The following ANO4 variants were observed in gnomAD, a reference collection of about 807,000 sequenced individuals.
ANO4 encodes anoctamin-4.
ANO4 carries 69 observed loss-of-function variants against 141.9 expected under a neutral mutation model. The observed-to-expected ratio is 0.49, with a 90% confidence interval of 0.40 to 0.59. The LOEUF is 0.59. ANO4 is among the 20% of genes least tolerant of loss of function. The pLI, the probability that ANO4 is intolerant of heterozygous loss-of-function variation, is 0.00. For missense variants in ANO4, 894 were observed against 1,162.2 expected, an observed-to-expected ratio of 0.77 and a Z score of 3.36; for synonymous variants, 350 against 394.3, an observed-to-expected ratio of 0.89 and a Z score of 1.33.
chr12:100,745,136 G>C (rs1431580366), intron 3 of ANO4, among the ~76,000 whole-genome samples: 1 of 152,180 alleles, frequency 6.6e-6, no homozygotes, highest in Non-Finnish European at 1.5e-5. Flanking sequence ...TGACTCTCCA[G>C]CATGTCTCAC....
Position 100,719,928 on chromosome 12 carries a change from C to T in ANO4, c.22+2381C>T, listed in dbSNP as rs1430339111. Among the ~76,000 whole-genome samples the T allele has an allele frequency of 3.9e-5, 6 of 152,158 alleles. No homozygotes were observed. In the East Asian group the frequency reaches 1.2e-3, roughly 29 times the overall value. On this transcript the variant is annotated intron_variant, in intron 1 of 29. Transcript: ENST00000644049. ...GAAATGAGATTAGGGTAATCAGTAA[C>T]TGTAATCCCCACCGGTAAAAATATG...
chr12:101,111,420 C>A, intron 23 of ANO4, 143 bp from the exon 24 acceptor site: 2 of 733,882 alleles, frequency 2.7e-6, no homozygotes, highest in Non-Finnish European at 2.1e-6. Context: ...TTGCACAAAT[C>A]TTTCCTCCTG....
intron 6 of ANO4, 169 bp from the exon 7 acceptor site, chr12:100,974,676 G>C (rs369832574): frequency 1.3e-6 from 1 of 744,578 alleles, no homozygotes; most frequent in South Asian, 1.4e-5. Context: ...ACTCAAAAAC[G>C]CATGCCCTGT....
chr12:100,741,341 G>C (rs2031856663), intron 3 of ANO4, among the ~76,000 whole-genome samples: 1 of 152,128 alleles, frequency 6.6e-6, no homozygotes, highest in Non-Finnish European at 1.5e-5. Flanking sequence ...AGAAGTTCCA[G>C]ATTATCAAAA....
chr12:100,753,814 C>T lies in ANO4; in HGVS notation c.358+13709C>T, dbSNP rs538528049. Among the ~76,000 whole-genome samples, 127 of 152,264 alleles carry T rather than the reference C, an allele frequency of 8.3e-4. 1 individual carries two copies. Among genetic ancestry groups the T allele is most frequent in the Admixed American group, 2.1e-3 (32 of 15,284 alleles). ...ACATGTCAAAAATAGCCTTTTGTTC[C>T]GACTTTTCCCCTAATATTTAGCTCT... is the stretch of plus-strand genomic sequence containing the variant. On this transcript the variant is annotated intron_variant, in intron 3 of 29. Coordinates refer to the ANO4 transcript ENST00000644049.
intron 3 of ANO4, among the ~76,000 whole-genome samples, chr12:100,775,790 T>C (rs1453119629): frequency 6.6e-6 from 1 of 152,134 alleles, no homozygotes; most frequent in African/African-American, 2.4e-5. Flanking sequence ...TTTCTTCCTA[T>C]TACGATTATG....
rs1002011650 is a variant in ANO4 at position 101,106,221 on chromosome 12, A to G, written c.2150-4183A>G. On this transcript the variant is annotated intron_variant, in intron 22 of 27. Transcript: ENST00000392977. ...AAACAAGCCCAGAGAAAAGAACAGAAAAACAGAGCAGAAAACATAAGAAAC... is the reference window on the plus strand; with the variant it reads ...AAACAAGCCCAGAGAAAAGAACAGAGAAACAGAGCAGAAAACATAAGAAAC... 1.7e-4 allele frequency among the ~76,000 whole-genome samples: 26 copies of G among 152,206 alleles called. 1 individual carries two copies. Among genetic ancestry groups the G allele is most frequent in the African/African-American group, 6.0e-4 (25 of 41,462 alleles).
At chr12:100,928,770 A>G (rs1171851440) in intron 3 of ANO4, among the ~76,000 whole-genome samples, 1 of 152,158 alleles carries the variant, frequency 6.6e-6, no homozygotes. Context: ...CTTTTTATAG[A>G]AGTAACCAAG....
intron 8 of ANO4, among the ~76,000 whole-genome samples, chr12:101,007,151 G>A (rs1317925063): frequency 6.6e-6 from 1 of 152,100 alleles, no homozygotes; most frequent in Admixed American, 6.5e-5. Flanking sequence ...TCAAGAGTTC[G>A]AGAGCAGCCT....
At chr12:101,088,039 G>A (rs2049577469) in intron 17 of ANO4, among the ~76,000 whole-genome samples, 1 of 152,090 alleles carries the variant, frequency 6.6e-6, no homozygotes, top group African/African-American at 2.4e-5. Flanking sequence ...TGTTCACAAG[G>A]TGTAGTGGCT....
intron 1 of ANO4, among the ~76,000 whole-genome samples, chr12:100,804,008 A>G (rs1464797590): frequency 2.0e-5 from 3 of 151,804 alleles, no homozygotes; most frequent in African/African-American, 4.8e-5. Context: ...GGTTTGTTAC[A>G]TAGGTAAACG....
At chr12:100,977,683 GC>G (rs1199915369) in intron 7 of ANO4, among the ~76,000 whole-genome samples, 1 of 152,018 alleles carries the variant, frequency 6.6e-6, no homozygotes, top group Non-Finnish European at 1.5e-5. Flanking sequence ...ATCACCTCTT[GC>G]CTAAACATCA....
chr12:100,906,296 A>G (rs910600005), intron 2 of ANO4, among the ~76,000 whole-genome samples: 1 of 152,132 alleles, frequency 6.6e-6, no homozygotes, highest in African/African-American at 2.4e-5. Context: ...ACATCAAGGG[A>G]AGGAGGTACA....
At chr12:100,984,363 G>C (rs187693271) in intron 7 of ANO4, among the ~76,000 whole-genome samples, 1 of 152,114 alleles carries the variant, frequency 6.6e-6, no homozygotes, top group Admixed American at 6.5e-5. Flanking sequence ...GGCAGATCAC[G>C]GGGATTTTAT....
intron 3 of ANO4, among the ~76,000 whole-genome samples, chr12:100,763,436 A>C (rs2032958908): frequency 6.6e-6 from 1 of 152,238 alleles, no homozygotes; most frequent in African/African-American, 2.4e-5. Context: ...TTCACACTAA[A>C]GATCAAGTAC....
chr12:101,074,838 T>A (rs1483612625), intron 14 of ANO4, among the ~76,000 whole-genome samples: 1 of 152,210 alleles, frequency 6.6e-6, no homozygotes, highest in Non-Finnish European at 1.5e-5. Context: ...TAAGAATAGT[T>A]TTCCACATTT....
chr12:100,892,972 G>A (rs554531746), intron 1 of ANO4, among the ~76,000 whole-genome samples: 1 of 152,010 alleles, frequency 6.6e-6, no homozygotes, highest in South Asian at 2.1e-4. Context: ...ATTGTGATAG[G>A]CATGAAATAA....
At chr12:100,938,884 C>T (rs1317904890) in intron 3 of ANO4, among the ~76,000 whole-genome samples, 1 of 152,030 alleles carries the variant, frequency 6.6e-6, no homozygotes, top group Non-Finnish European at 1.5e-5. Context: ...TCAAGTGGCA[C>T]GTTTATGGGT....
At chr12:100,905,617 G>A (rs1006841414) in intron 2 of ANO4, among the ~76,000 whole-genome samples, 1 of 152,200 alleles carries the variant, frequency 6.6e-6, no homozygotes, top group African/African-American at 2.4e-5. Flanking sequence ...ATTTAAGGGA[G>A]ATGAGAGGAT....
Sources: gnomAD v4.1 joint callset for allele counts (sites outside exome capture counted in the v4.1 genomes callset) on GRCh38, gnomAD v4.1.1 for gene constraint, MANE v1.5 for transcripts, NCBI Gene and HGNC (gene_info 2026-07-23, HGNC 2026-07-21) for gene names.